The following SNRNP200 variants were observed in gnomAD, a reference collection of about 807,000 sequenced individuals.
The protein encoded by SNRNP200 is U5 small nuclear ribonucleoprotein 200 kDa helicase.
Under a neutral mutation model 255.2 loss-of-function variants are expected in SNRNP200, and 66 were observed. The ratio of observed to expected loss-of-function variants is 0.26; its 90% CI spans 0.21 to 0.32. SNRNP200 has a LOEUF of 0.32. Ranked by LOEUF, SNRNP200 falls within the 10% of genes least tolerant of loss-of-function variation. The probability of loss-of-function intolerance (pLI) is 1.00; values close to 1 mark genes in which losing one functional copy is unlikely to be tolerated. For synonymous variants in SNRNP200, 939 were observed against 1,027.8 expected (o/e 0.91, Z 1.65); for missense variants, 1,585 against 2,749.8 (o/e 0.58, Z 9.47).
chr2:96,275,200 G>A (rs1452468118), intron 44 of SNRNP200, 45 bp from the exon 45 acceptor site: 1 of 1,614,150 alleles, frequency 6.2e-7, no homozygotes. Flanking sequence ...GACACAGGAA[G>A]CATTCTCACC....
chr2:96,289,201 C>A, intron 22 of SNRNP200, 26 bp downstream of exon 22: 1 of 1,614,154 alleles, frequency 6.2e-7, no homozygotes, highest in Non-Finnish European at 8.5e-7. Context: ...ACCAACTCCC[C>A]GCCCCATCAT....
Position 96,287,288 on chromosome 2 carries a change from G to T in SNRNP200, c.3485-128C>A. ...TGGTCAGTGGAGCCCAGGATTCCAA[G>T]TCCCCAGACCAAGGGCCAGCCTGTA... On this transcript the variant is annotated intron_variant, in intron 26 of 44. Coordinates refer to ENST00000323853, the MANE Select transcript of SNRNP200 (RefSeq NM_014014.5). This position sits in a 1 kb window ranked among gnomAD's most constrained non-coding sequence, Gnocchi z 5.7. The T allele has an allele frequency of 7.6e-7, 1 of 1,318,906 alleles. No individual in the cohort carries two copies. The highest frequency in any genetic ancestry group is 1.1e-6 in the Non-Finnish European group (1 of 912,264). 81.7% of individuals were successfully genotyped at this position (1,318,906 alleles called of 1,614,324 possible).
intron 34 of SNRNP200, chr2:96,282,667 G>A: frequency 4.2e-6 from 1 of 236,688 alleles, no homozygotes; most frequent in South Asian, 5.8e-5. Context: ...AGATCTGGTT[G>A]TTCAAAAGTG....
In SNRNP200 at chr2:96,289,269, G is replaced by C. The variant is rs1346939824; in HGVS notation, c.3051C>G (p.Val1017=). Residue 1017 remains valine, a synonymous_variant, in exon 22 of 45, where the codon GTC becomes GTG. Transcript: ENST00000323853. ...PTLSEIELFR[V]FSLSSEFKNI... is the part of the protein sequence containing the mutation. ...TCTTGAACTCAGAGGACAATGAGAAGACCCTGAAAAGCTCAATCTCACTCA... is the reference window on the plus strand; with the variant it reads ...TCTTGAACTCAGAGGACAATGAGAACACCCTGAAAAGCTCAATCTCACTCA... 2 of 1,614,192 alleles carry C rather than the reference G, an allele frequency of 1.2e-6. No individual in the cohort carries two copies. Among genetic ancestry groups the C allele is most frequent in the South Asian group, 2.2e-5 (2 of 91,086 alleles).
At position 96,299,029 on chromosome 2, in the gene SNRNP200, C is replaced by T. The variant is rs912084182; in HGVS notation, c.730-62G>A. 19 of 1,601,944 alleles carry T rather than the reference C, an allele frequency of 1.2e-5. No individual in the cohort carries two copies. The Admixed American group carries it at 2.7e-4, about 23-fold the overall frequency. On this transcript the variant is annotated intron_variant, in intron 6 of 44. Transcript: ENST00000323853. ...CTGCCAGCCTCGATCACTTTGCCAC[C>T]ACCCTGCAACCAAGTTCTACTTGAC... is the stretch of plus-strand genomic sequence containing the variant.
chr2:96,287,393 A>G lies in SNRNP200; in HGVS notation c.3484+46T>C, dbSNP rs1440002511. ...AGGAAGACTACATAGGCAAACTGGG[A>G]GAGACACCCAGGCAGTGAGGACAAG... On this transcript the variant is annotated intron_variant, in intron 26 of 44. Coordinates refer to ENST00000323853, the MANE Select transcript of SNRNP200 (RefSeq NM_014014.5). This position sits in a 1 kb window ranked among gnomAD's most constrained non-coding sequence, Gnocchi z 5.7. 7.1e-7 allele frequency: 1 copy of G among 1,402,562 alleles called. No individual in the cohort carries two copies. The allele number at this position is 1,402,562 out of a possible 1,614,324, so 86.9% of individuals were successfully genotyped here. A position where few individuals can be genotyped will look rare whatever the true frequency, so the allele number is the denominator to read the frequency against.
Position 96,286,144 on chromosome 2 carries a change from C to G in SNRNP200, c.4003+167G>C, listed in dbSNP as rs2063842463. Among the ~76,000 whole-genome samples the G allele has an allele frequency of 6.6e-6, 1 of 152,126 alleles. No individual in the cohort carries two copies. Among genetic ancestry groups the G allele is most frequent in the Admixed American group, 6.5e-5 (1 of 15,270 alleles). On this transcript the variant is annotated intron_variant, in intron 29 of 44. Coordinates refer to ENST00000323853, the MANE Select transcript of SNRNP200 (RefSeq NM_014014.5). The surrounding 1 kb of genome is among the most constrained non-coding windows in gnomAD (Gnocchi z 4.8). ...TGACACATGCAGAGCAGCAAAGCAA[C>G]CAAAGGCTTCTGACAAAGGAAAAAG...
In SNRNP200 at chr2:96,278,088, G is replaced by C; in HGVS notation, c.5611-138C>G. On this transcript the variant is annotated intron_variant, in intron 39 of 44. Transcript: ENST00000323853. This position sits in a 1 kb window ranked among gnomAD's most constrained non-coding sequence, Gnocchi z 6.9. The stretch of plus-strand genomic sequence containing the variant: ...ATGTGGGTGGTAATGGGATGGAGAT[G>C]GGTTTGAGGGAGGTATGGAGCGGGA... 6.6e-7 allele frequency: 1 copy of C among 1,522,112 alleles called. No homozygotes were observed. Among genetic ancestry groups the C allele is most frequent in the Non-Finnish European group, 9.1e-7 (1 of 1,099,612 alleles). The allele number at this position is 1,522,112 out of a possible 1,614,324, so 94.3% of individuals were successfully genotyped here. A position where few individuals can be genotyped will look rare whatever the true frequency, so the allele number is the denominator to read the frequency against.
chr2:96,288,804 G>GA, intron 23 of SNRNP200, 58 bp from the exon 24 acceptor site: 1 of 1,436,012 alleles, frequency 7.0e-7, no homozygotes, highest in Non-Finnish European at 9.8e-7. Flanking sequence ...CCAAGAAAGG[G>GA]AATTACATTT....
At chr2:96,301,955 C>G (rs1023208450) in intron 3 of SNRNP200, among the ~76,000 whole-genome samples, 1 of 152,228 alleles carries the variant, frequency 6.6e-6, no homozygotes, top group African/African-American at 2.4e-5. Flanking sequence ...GCTTGCCACA[C>G]TCCAGGTGGT....
In SNRNP200 at chr2:96,305,540, A is replaced by C; in HGVS notation, c.-103T>G. On this transcript the variant is annotated 5_prime_UTR_variant, in exon 1 of 45. Transcript: ENST00000323853. Reference sequence around the variant, plus strand: ...GCCGCGCCGGAACGACGCAGGAAAGACGCACTGGGGAAGGAAAAGAAACGG... The same window carrying C: ...GCCGCGCCGGAACGACGCAGGAAAGCCGCACTGGGGAAGGAAAAGAAACGG... The C allele has an allele frequency of 1.3e-6, 2 of 1,499,318 alleles. No individual in the cohort carries two copies. Among genetic ancestry groups the C allele is most frequent in the Non-Finnish European group, 1.8e-6 (2 of 1,084,314 alleles). 92.9% of individuals were successfully genotyped at this position (1,499,318 alleles called of 1,614,324 possible).
At chr2:96,285,424 G>T in intron 29 of SNRNP200, 84 bp from the exon 30 acceptor site, 1 of 1,483,378 alleles carries the variant, frequency 6.7e-7, no homozygotes, top group Non-Finnish European at 9.4e-7. Flanking sequence ...TCAAAACAAA[G>T]GACAACATAC....
At chr2:96,280,944 C>T (rs1447204038) in intron 35 of SNRNP200, among the ~76,000 whole-genome samples, 2 of 151,176 alleles carry the variant, frequency 1.3e-5, no homozygotes, top group African/African-American at 2.4e-5. Context: ...CCTCTGCCTC[C>T]TGGGTTCAAG....
rs1485383467 is a variant in SNRNP200 at position 96,290,209 on chromosome 2, T to C, written c.2742+117A>G. The C allele has an allele frequency of 1.7e-6, 2 of 1,177,870 alleles. No homozygotes were observed. The highest frequency in any genetic ancestry group is 1.5e-5 in the African/African-American group (1 of 66,458). 73.0% of individuals were successfully genotyped at this position (1,177,870 alleles called of 1,614,324 possible). A position where few individuals can be genotyped will look rare whatever the true frequency, so the allele number is the denominator to read the frequency against. On this transcript the variant is annotated intron_variant, in intron 20 of 44. Transcript: ENST00000323853. The surrounding 1 kb of genome is among the most constrained non-coding windows in gnomAD (Gnocchi z 4.5). ...CTATCTGCCAGACCCAAGATGTGGG[T>C]GCAGGGATGGAAGGCCTCGGACGCT...
At position 96,295,701 on chromosome 2, in the gene SNRNP200, C is replaced by A. The variant is rs375758234; in HGVS notation, c.1672-43G>T. On this transcript the variant is annotated intron_variant, in intron 13 of 44. Transcript: ENST00000323853. ...CATCAGGCAGGAATGCTTGAAGGGGCCTGGACACCATGCTTTCTGTTTGGG... is the reference window on the plus strand; with the variant it reads ...CATCAGGCAGGAATGCTTGAAGGGGACTGGACACCATGCTTTCTGTTTGGG... 1.1e-5 allele frequency: 17 copies of A among 1,603,894 alleles called. No individual in the cohort carries two copies. In the African/African-American group the frequency reaches 2.1e-4, roughly 20 times the overall value.
In SNRNP200 at chr2:96,281,896, G is replaced by A. The variant is rs377595031; in HGVS notation, c.4942C>T (p.Arg1648Trp). The change falls in exon 35 of 45, where the codon CGG (arginine) becomes TGG (tryptophan). Residue 1648 changes from arginine to tryptophan, a missense_variant. Arg to Trp is a moderately radical substitution (Grantham distance 101, BLOSUM62 -3). This residue lies in a region of SNRNP200 where 719 missense variants were observed against 1,091.1 expected (regional missense o/e 0.66). Coordinates refer to ENST00000323853, the MANE Select transcript of SNRNP200 (RefSeq NM_014014.5). ...SGAIQVVVAS[R>W]SLCWGMNVAA... ...ACGTTCATGCCCCAGCAGAGACTCCGAGAAGCCACCACCACCTGGATAGCC... is the reference window on the plus strand; with the variant it reads ...ACGTTCATGCCCCAGCAGAGACTCCAAGAAGCCACCACCACCTGGATAGCC... 6.2e-6 allele frequency: 10 copies of A among 1,614,064 alleles called. No individual in the cohort carries two copies. Among genetic ancestry groups the A allele is most frequent in the South Asian group, 1.1e-5 (1 of 91,076 alleles).
At position 96,283,596 on chromosome 2, in the gene SNRNP200, G is replaced by C. The variant is rs1558765137; in HGVS notation, c.4702C>G (p.Gln1568Glu). 1 of 1,614,098 alleles carries C rather than the reference G, an allele frequency of 6.2e-7. No individual in the cohort carries two copies. The highest frequency in any genetic ancestry group is 8.5e-7 in the Non-Finnish European group (1 of 1,180,044). The change falls in exon 33 of 45, where the codon CAG (glutamine) becomes GAG (glutamate). Residue 1568 changes from glutamine (Q) to glutamate (E), a missense_variant. By Grantham distance (29) the Gln-to-Glu change is conservative. Transcript: ENST00000323853. This position sits in a 1 kb window ranked among gnomAD's most constrained non-coding sequence, Gnocchi z 4.7. ...ATGTCAATGGCAGTGAGGCGGGTCTGCTTGCGAGACGGCACAAAGACAATG... is the reference window on the plus strand; with the variant it reads ...ATGTCAATGGCAGTGAGGCGGGTCTCCTTGCGAGACGGCACAAAGACAATG... ...PVIVFVPSRK[Q>E]TRLTAIDILT... is the part of the protein sequence containing the mutation.
In SNRNP200 at chr2:96,285,268, CAAAT is replaced by C; in HGVS notation, c.4072_4075del (p.Ile1358ValfsTer50). 6.2e-7 allele frequency: 1 copy of C among 1,614,166 alleles called. No homozygotes were observed. Among genetic ancestry groups the C allele is most frequent in the Non-Finnish European group, 8.5e-7 (1 of 1,180,048 alleles). On this transcript the variant is annotated frameshift_variant, in exon 30 of 45. Transcript: ENST00000323853. LOFTEE classifies it high-confidence loss of function. ...CATTCGCAGGATGGCAAACTCTGCA[CAAAT>C]AGTCTTCCCGCTGCCCGTGGGGGCC...
In SNRNP200 at chr2:96,285,732, T is replaced by C. The variant is rs906987242; in HGVS notation, c.4004-392A>G. Among the ~76,000 whole-genome samples, 17 of 152,086 alleles carry C rather than the reference T, an allele frequency of 1.1e-4. No homozygotes were observed. The East Asian group carries it at 1.7e-3, about 16-fold the overall frequency. ...TGCGTTTCCTAGAAATAGCCTAAGGTAGAAAGTAAGAGCCTTATCCCTGGC... is the reference window on the plus strand; with the variant it reads ...TGCGTTTCCTAGAAATAGCCTAAGGCAGAAAGTAAGAGCCTTATCCCTGGC... On this transcript the variant is annotated intron_variant, in intron 29 of 44. Coordinates refer to ENST00000323853, the MANE Select transcript of SNRNP200 (RefSeq NM_014014.5).
Sources: allele counts gnomAD v4.1 joint callset (sites outside exome capture counted in the v4.1 genomes callset), GRCh38; gene constraint gnomAD v4.1.1; regional missense constraint gnomAD v4.1.1; non-coding constraint Gnocchi (gnomAD v3.1); transcripts MANE v1.5; gene names NCBI Gene and HGNC (gene_info 2026-07-23, HGNC 2026-07-21).